Variants in IPO11 observed in about 807,000 individuals in gnomAD.
The protein encoded by IPO11 is importin 11, also known as importin-11.
IPO11 carries 66 observed loss-of-function variants against 143.2 expected under a neutral mutation model. The observed-to-expected ratio is 0.46, with a 90% CI of 0.38 to 0.57. The LOEUF (loss-of-function observed/expected upper bound fraction) is 0.57, where lower values mean the gene tolerates loss of function less well. IPO11 is among the 20% of genes least tolerant of loss of function. The probability of loss-of-function intolerance (pLI) is 0.00; values close to 1 mark genes in which losing one functional copy is unlikely to be tolerated. For synonymous variants in IPO11, 385 were observed against 377.8 expected, an observed-to-expected ratio of 1.02 and a Z score of -0.22; for missense variants, 1,026 against 1,141.0, an observed-to-expected ratio of 0.90 and a Z score of 1.45.
intron 7 of IPO11, among the ~76,000 whole-genome samples, chr5:62,471,451 A>G (rs1404182515): frequency 6.6e-6 from 1 of 152,178 alleles, no homozygotes; most frequent in Non-Finnish European, 1.5e-5. Flanking sequence ...GAAAATTGAC[A>G]TGCTTTTTTT....
chr5:62,495,802 T>C (rs1166780655), intron 16 of IPO11, among the ~76,000 whole-genome samples: 1 of 152,188 alleles, frequency 6.6e-6, no homozygotes, highest in Non-Finnish European at 1.5e-5. Context: ...ACTTGTTTTA[T>C]AATGAGTCTA....
intron 19 of IPO11, among the ~76,000 whole-genome samples, chr5:62,511,463 AAT>A (rs1610953): frequency 0.09 from 13,712 of 152,220 alleles, 669 homozygotes; most frequent in East Asian, 0.14. Context: ...TTACATGATA[AAT>A]ATGTTAAAAT....
intron 12 of IPO11, among the ~76,000 whole-genome samples, chr5:62,487,040 TA>T (rs548837169): frequency 4.2e-4 from 64 of 152,262 alleles, no homozygotes; most frequent in African/African-American, 1.5e-3. Context: ...AAAATTATTT[TA>T]AAAAATTTTT....
At chr5:62,431,623 CG>C (rs1484612047) in intron 1 of IPO11, among the ~76,000 whole-genome samples, 1 of 152,020 alleles carries the variant, frequency 6.6e-6, no homozygotes, top group African/African-American at 2.4e-5. Flanking sequence ...GCTGTACCAC[CG>C]GCTTACTCAA....
At chr5:62,564,665 C>G (rs547791053) in intron 27 of IPO11, among the ~76,000 whole-genome samples, 1 of 152,078 alleles carries the variant, frequency 6.6e-6, no homozygotes, top group Admixed American at 6.5e-5. Flanking sequence ...GTCAGTTGCA[C>G]TCTCCTCTTC....
chr5:62,562,232 T>G (rs905426430), intron 27 of IPO11: 4 of 152,140 alleles, frequency 2.6e-5, no homozygotes, highest in Non-Finnish European at 4.4e-5. Flanking sequence ...GGGCCCCTAT[T>G]TTTTTGTACT....
intron 3 of IPO11, among the ~76,000 whole-genome samples, chr5:62,448,758 T>C (rs1744806579): frequency 6.6e-6 from 1 of 152,100 alleles, no homozygotes; most frequent in Non-Finnish European, 1.5e-5. Context: ...GGGATCTTGC[T>C]ATGTTGCCCA....
At chr5:62,539,993 T>C (rs1023422798) in intron 24 of IPO11, among the ~76,000 whole-genome samples, 1 of 152,220 alleles carries the variant, frequency 6.6e-6, no homozygotes, top group African/African-American at 2.4e-5. Context: ...TTTGATATTA[T>C]TGTCTTTACA....
At chr5:62,540,272 C>T (rs1005249507) in intron 24 of IPO11, among the ~76,000 whole-genome samples, 1 of 152,044 alleles carries the variant, frequency 6.6e-6, no homozygotes, top group Non-Finnish European at 1.5e-5. Context: ...CTTTGGTCTT[C>T]ATTTTCCTCA....
intron 29 of IPO11, among the ~76,000 whole-genome samples, chr5:62,623,987 A>G (rs907668180): frequency 6.6e-6 from 1 of 151,556 alleles, no homozygotes; most frequent in African/African-American, 2.4e-5. Context: ...TTTTTTGGGA[A>G]GGGGTGGTCA....
At chr5:62,620,517 TA>T (rs71608518) in intron 29 of IPO11, among the ~76,000 whole-genome samples, 52,435 of 105,808 alleles carry the variant, frequency 0.5, 11,457 homozygotes, top group African/African-American at 0.53. Flanking sequence ...AGACTCTGTC[TA>T]AAAAAAAAAA....
chr5:62,565,737 A>G (rs1033240483), intron 27 of IPO11, among the ~76,000 whole-genome samples: 1 of 152,066 alleles, frequency 6.6e-6, no homozygotes, highest in Non-Finnish European at 1.5e-5. Flanking sequence ...TAAGCTCCGC[A>G]TGCATTAGCT....
Position 62,591,619 on chromosome 5 carries a change from A to G in IPO11, c.2625A>G (p.Val875=). The part of the protein sequence containing the change: ...DKFCGIINIS[V]EGLHDVMTED... ...TCTGTGGGATTATAAACATTTCAGT[A>G]GAAGGCCTGCATGATGTCATGACGG... is the stretch of plus-strand genomic sequence containing the variant. The change falls in exon 28 of 30, where the codon GTA becomes GTG. Residue 875 remains valine, a synonymous_variant. Coordinates refer to ENST00000325324, the MANE Select transcript of IPO11 (RefSeq NM_016338.5). 2 of 1,609,358 alleles carry G rather than the reference A, an allele frequency of 1.2e-6. No homozygotes were observed. The highest frequency in any genetic ancestry group is 4.5e-5 in the East Asian group (2 of 44,614).
chr5:62,601,196 T>C (rs1402398749), intron 28 of IPO11: 2 of 152,384 alleles, frequency 1.3e-5, no homozygotes, highest in East Asian at 1.9e-4. Flanking sequence ...GGAAACTGTT[T>C]CTGTTACCTC....
rs115698951 is a variant in IPO11, at chr5:62,556,143, T to A, written c.2460+4807T>A. The stretch of plus-strand genomic sequence containing the variant: ...ATATTGCATCATCATGCAAAAAAAA[T>A]ACATCTTATTGAGTAATTAAAATGG... On this transcript the variant is annotated intron_variant, in intron 26 of 29. Transcript: ENST00000325324. 4.4e-3 allele frequency among the ~76,000 whole-genome samples: 677 copies of A among 152,178 alleles called. 8 individuals carry two copies. Among genetic ancestry groups the A allele is most frequent in the African/African-American group, 0.016 (648 of 41,518 alleles).
chr5:62,550,313 T>C (rs889159285), intron 24 of IPO11, 54 bp from the exon 25 acceptor site: 21 of 1,341,922 alleles, frequency 1.6e-5, no homozygotes, highest in Non-Finnish European at 2.1e-5. Flanking sequence ...ACATGTGTTT[T>C]TCATAAAGCA....
chr5:62,580,593 T>C (rs1261609388), intron 27 of IPO11: 2 of 1,551,468 alleles, frequency 1.3e-6, no homozygotes, highest in East Asian at 4.9e-5. Context: ...ACATCTATTG[T>C]CAGAATCCCC....
chr5:62,487,147 A>G (rs1480260423), intron 12 of IPO11, among the ~76,000 whole-genome samples: 3 of 152,188 alleles, frequency 2.0e-5, no homozygotes, highest in Non-Finnish European at 4.4e-5. Flanking sequence ...TAAGAACCAA[A>G]CAAATCATTT....
chr5:62,480,759 G>A (rs1737363848), intron 9 of IPO11, among the ~76,000 whole-genome samples: 1 of 152,070 alleles, frequency 6.6e-6, no homozygotes, highest in Admixed American at 6.6e-5. Flanking sequence ...GTATAGGAAT[G>A]CTTGTGATTT....
Sources: gnomAD v4.1 joint callset for allele counts (sites outside exome capture counted in the v4.1 genomes callset) on GRCh38, gnomAD v4.1.1 for gene constraint, MANE v1.5 for transcripts, NCBI Gene and HGNC (gene_info 2026-07-23, HGNC 2026-07-21) for gene names.